VPS51: variants seen among roughly 807,000 people sequenced by gnomAD.
The protein encoded by VPS51 is vacuolar protein sorting-associated protein 51 homolog.
A neutral mutation model predicts 65.1 loss-of-function variants in VPS51; 55 were observed. That is an observed-to-expected ratio of 0.84 (90% CI 0.68 to 1.06). VPS51 has a LOEUF of 1.06. Among genes scored for constraint, VPS51 ranks in the 50% least tolerant of loss-of-function variants. VPS51 has a pLI of 0.00. For synonymous variants in VPS51, 473 were observed against 489.5 expected (o/e 0.97, Z 0.44); for missense variants, 943 against 1,101.6 (o/e 0.86, Z 2.04).
rs1408979115 is a variant in VPS51, at chr11:65,110,794, A to G, written c.2088+13A>G. ...GGAGTTCAACAAGGTCCGACTTCCA[A>G]CGTGACTCAGACTTCCAGGGATCCC... On this transcript the variant is annotated intron_variant, in intron 9 of 9. Transcript: ENST00000279281. 2.5e-6 allele frequency: 4 copies of G among 1,614,058 alleles called. No individual in the cohort carries two copies. The highest frequency in any genetic ancestry group is 1.1e-5 in the South Asian group (1 of 91,078).
Position 65,108,614 on chromosome 11 carries a change from T to G in VPS51, c.1143T>G (p.Ala381=). The change falls in exon 5 of 10, where the codon GCT becomes GCG. Residue 381 remains alanine (A), a synonymous_variant. Transcript: ENST00000279281. Reference sequence around the variant, plus strand: ...ACCGCTTCCACCGGCGCTTGCGGGCTCCCGGGGCCCTGCTGGCCGCTGCCG... The same window carrying G: ...ACCGCTTCCACCGGCGCTTGCGGGCGCCCGGGGCCCTGCTGGCCGCTGCCG... ...ALDRFHRRLR[A]PGALLAAAGL... The G allele has an allele frequency of 6.5e-7, 1 of 1,528,432 alleles. No individual in the cohort carries two copies. The highest frequency in any genetic ancestry group is 1.2e-5 in the South Asian group (1 of 83,678). The allele number at this position is 1,528,432 out of a possible 1,614,324, so 94.7% of individuals were successfully genotyped here.
chr11:65,110,589 C>T lies in VPS51; in HGVS notation c.1986C>T (p.Pro662=). ...CTCGGCAGCAGGGCCGCTACGCCCC[C>T]AGCTATACCCCCAGGTCTGGCTGGT... ...SSSRQQGRYA[P]SYTPSAPMDT... Residue 662 remains proline, a synonymous_variant, in exon 8 of 10, where the codon CCC becomes CCT. Transcript: ENST00000279281. The T allele has an allele frequency of 6.2e-7, 1 of 1,614,068 alleles. No individual in the cohort carries two copies. Among genetic ancestry groups the T allele is most frequent in the Middle Eastern group, 1.6e-4 (1 of 6,062 alleles).
chr11:65,107,951 G>T lies in VPS51; in HGVS notation c.654G>T (p.Ser218=). The T allele has an allele frequency of 6.4e-7, 1 of 1,567,352 alleles. No homozygotes were observed. The part of the protein sequence containing the change: ...AVLQQYQHLP[S]FRAIQDDCQV... ...TGCAGCAGTACCAACACCTGCCCTC[G>T]TTCCGCGCCATCCAGGACGACTGCC... Residue 218 remains serine, a synonymous_variant, in exon 4 of 10, where the codon TCG becomes TCT. Transcript: ENST00000279281. This position sits in a 1 kb window ranked among gnomAD's most constrained non-coding sequence, Gnocchi z 4.0.
At chr11:65,105,990 C>G (rs1947839307) in intron 2 of VPS51, among the ~76,000 whole-genome samples, 1 of 152,260 alleles carries the variant, frequency 6.6e-6, no homozygotes, top group South Asian at 2.1e-4. Context: ...GAGATCGCGC[C>G]ACTGCACTCC....
intron 2 of VPS51, among the ~76,000 whole-genome samples, chr11:65,100,231 T>TA (rs1439627179): frequency 6.6e-6 from 1 of 152,172 alleles, no homozygotes; most frequent in Non-Finnish European, 1.5e-5. Flanking sequence ...AGCTCAGGGC[T>TA]AAAAAGACAA....
chr11:65,110,031 G>T, intron 7 of VPS51, 108 bp downstream of exon 7: 1 of 1,221,742 alleles, frequency 8.2e-7, no homozygotes, highest in Non-Finnish European at 1.1e-6. Context: ...CTGGAGGAGG[G>T]GACATGTGTA....
Position 65,096,242 on chromosome 11 carries a change from G to C in VPS51, c.-9G>C, listed in dbSNP as rs1450857159. The stretch of plus-strand genomic sequence containing the variant: ...TCCAGCCTCACGCCCGTGGGCTGCA[G>C]TTGGAACGATGGCGGCGGCAGCTGC... On this transcript the variant is annotated 5_prime_UTR_variant, in exon 1 of 10. Coordinates refer to ENST00000279281, the MANE Select transcript of VPS51 (RefSeq NM_013265.4). 2.6e-6 allele frequency: 4 copies of C among 1,527,644 alleles called. No homozygotes were observed. The highest frequency in any genetic ancestry group is 3.5e-6 in the Non-Finnish European group (4 of 1,140,836). 94.6% of individuals were successfully genotyped at this position (1,527,644 alleles called of 1,614,324 possible).
Position 65,097,214 on chromosome 11 carries a change from G to A in VPS51, c.358+87G>A, listed in dbSNP as rs540533605. 14 of 1,569,864 alleles carry A rather than the reference G, an allele frequency of 8.9e-6. No homozygotes were observed. In the African/African-American group the frequency reaches 1.8e-4, roughly 20 times the overall value. ...GGAAAACCAGCAAGGGATTTAGAGG[G>A]GGGAGACTCAGATTCCAGTCTTGTC... On this transcript the variant is annotated intron_variant, in intron 2 of 9. Coordinates refer to ENST00000279281, the MANE Select transcript of VPS51 (RefSeq NM_013265.4).
Position 65,107,942 on chromosome 11 carries a change from C to A in VPS51, c.645C>A (p.His215Gln), listed in dbSNP as rs377180594. Residue 215 changes from histidine (H) to glutamine (Q), a missense_variant, in exon 4 of 10, where the codon CAC (histidine) becomes CAA (glutamine). His to Gln is a conservative substitution (Grantham distance 24). Around this residue, in one of 2 missense-constraint regions of VPS51, gnomAD observed 855 missense variants for 953.7 expected, o/e 0.90. Coordinates refer to ENST00000279281, the MANE Select transcript of VPS51 (RefSeq NM_013265.4). This position sits in a 1 kb window ranked among gnomAD's most constrained non-coding sequence, Gnocchi z 4.0. ...RAQAVLQQYQ[H>Q]LPSFRAIQDD... ...AGGCCGTGCTGCAGCAGTACCAACA[C>A]CTGCCCTCGTTCCGCGCCATCCAGG... 13 of 1,566,480 alleles carry A rather than the reference C, an allele frequency of 8.3e-6. No homozygotes were observed. Among genetic ancestry groups the A allele is most frequent in the South Asian group, 2.3e-5 (2 of 85,722 alleles).
In VPS51 at chr11:65,108,364, C is replaced by T. The variant is rs1191069778; in HGVS notation, c.893C>T (p.Pro298Leu). 6.2e-7 allele frequency: 1 copy of T among 1,612,164 alleles called. No individual in the cohort carries two copies. Among genetic ancestry groups the T allele is most frequent in the Non-Finnish European group, 8.5e-7 (1 of 1,179,676 alleles). ...EAELGPSPPA[P>L]DVLEFTDHGG... ...GAGCTGGGGCCCTCACCTCCGGCTCCCGACGTGTTAGAGTTCACCGACCAT... is the reference window on the plus strand; with the variant it reads ...GAGCTGGGGCCCTCACCTCCGGCTCTCGACGTGTTAGAGTTCACCGACCAT... The change falls in exon 5 of 10, where the codon CCC (proline) becomes CTC (leucine). Residue 298 changes from proline to leucine, a missense_variant. Pro to Leu is a moderately conservative substitution (Grantham distance 98). Coordinates refer to ENST00000279281, the MANE Select transcript of VPS51 (RefSeq NM_013265.4).
chr11:65,096,518 G>GGGGGC, intron 1 of VPS51, 40 bp downstream of exon 1: 3 of 499,404 alleles, frequency 6.0e-6, no homozygotes, highest in Non-Finnish European at 1.1e-5. Context: ...GGGGAGGGGG[G>GGGGGC]AAGGGAACCA....
chr11:65,108,134 C>G, intron 4 of VPS51, 63 bp from the exon 5 acceptor site: 1 of 1,562,936 alleles, frequency 6.4e-7, no homozygotes, highest in Non-Finnish European at 8.6e-7. Context: ...GCTTTGCTTT[C>G]CTGCTCCTGC....
chr11:65,102,076 G>A (rs541644659), intron 2 of VPS51, among the ~76,000 whole-genome samples: 15 of 145,060 alleles, frequency 1.0e-4, no homozygotes, highest in African/African-American at 3.4e-4. Flanking sequence ...CTAGAGTGCA[G>A]TGGCCCAATC....
intron 8 of VPS51, 27 bp from the exon 9 acceptor site, chr11:65,110,667 T>C: frequency 2.5e-6 from 4 of 1,614,158 alleles, no homozygotes; most frequent in Non-Finnish European, 2.5e-6. Flanking sequence ...CAGGGCGGGC[T>C]CTGATTCCTT....
Position 65,108,657 on chromosome 11 carries a change from A to G in VPS51, c.1186A>G (p.Thr396Ala). 2.6e-6 allele frequency: 4 copies of G among 1,562,052 alleles called. No homozygotes were observed. Among genetic ancestry groups the G allele is most frequent in the Non-Finnish European group, 3.4e-6 (4 of 1,160,070 alleles). Residue 396 changes from threonine to alanine, a missense_variant, in exon 5 of 10, where the codon ACG becomes GCG. Physicochemically the swap from Thr to Ala is moderately conservative, Grantham distance 58. Around this residue, in one of 2 missense-constraint regions of VPS51, gnomAD observed 855 missense variants for 953.7 expected, o/e 0.90. Coordinates refer to ENST00000279281, the MANE Select transcript of VPS51 (RefSeq NM_013265.4). Reference protein sequence around the residue: ...LAAAGLADAATEIVERVARER... With the variant: ...LAAAGLADAAAEIVERVARER... ...CGCTGCCGGGCTCGCAGACGCTGCC[A>G]CGGAGATCGTGGAACGAGTGGCCCG...
chr11:65,108,065 G>A (rs769696011), intron 4 of VPS51, 43 bp downstream of exon 4: 5 of 1,489,148 alleles, frequency 3.4e-6, no homozygotes, highest in Non-Finnish European at 4.5e-6. Context: ...CGCCAGCCCC[G>A]AGCCCCATCT....
At chr11:65,097,421 C>T (rs931351834) in intron 2 of VPS51, among the ~76,000 whole-genome samples, 5 of 152,310 alleles carry the variant, frequency 3.3e-5, no homozygotes, top group Admixed American at 2.0e-4. Context: ...AGGGCAGTAG[C>T]ATGATCATGG....
Position 65,109,862 on chromosome 11 carries a change from C to A in VPS51, c.1817C>A (p.Pro606His). The part of the protein sequence containing the change: ...ETRDWLSTLE[P>H]RNVRAVMKRV... ...CGCGACTGGCTCAGCACTCTGGAGC[C>A]CCGGAATGTGCGGGCCGTCATGAAG... Residue 606 changes from proline (P) to histidine (H), a missense_variant, in exon 7 of 10, where the codon CCC (proline) becomes CAC (histidine). Physicochemically the swap from Pro to His is moderately conservative, Grantham distance 77. This residue lies in a region of VPS51 where 855 missense variants were observed against 953.7 expected (regional missense o/e 0.90). Transcript: ENST00000279281. 1.2e-6 allele frequency: 2 copies of A among 1,611,892 alleles called. No individual in the cohort carries two copies. Among genetic ancestry groups the A allele is most frequent in the Non-Finnish European group, 1.7e-6 (2 of 1,179,654 alleles).
Position 65,096,218 on chromosome 11 carries a change from C to A in VPS51, c.-33C>A. 1 of 1,517,316 alleles carries A rather than the reference C, an allele frequency of 6.6e-7. No homozygotes were observed. The highest frequency in any genetic ancestry group is 8.8e-7 in the Non-Finnish European group (1 of 1,130,364). The allele number at this position is 1,517,316 out of a possible 1,614,324, so 94.0% of individuals were successfully genotyped here. ...TGCCTCCTCCCCGTCCCCTTCCTTT[C>A]CAGCCTCACGCCCGTGGGCTGCAGT... On this transcript the variant is annotated 5_prime_UTR_variant, in exon 1 of 10. Coordinates refer to ENST00000279281, the MANE Select transcript of VPS51 (RefSeq NM_013265.4).
Sources: gnomAD v4.1 joint callset for allele counts (sites outside exome capture counted in the v4.1 genomes callset) on GRCh38, gnomAD v4.1.1 for gene constraint, gnomAD v4.1.1 regional missense constraint, Gnocchi (gnomAD v3.1) non-coding constraint, MANE v1.5 for transcripts, NCBI Gene and HGNC (gene_info 2026-07-23, HGNC 2026-07-21) for gene names.